Variants in PSD3 observed in about 807,000 individuals in gnomAD.
The protein encoded by PSD3 is PH and SEC7 domain-containing protein 3.
In PSD3, 49 loss-of-function variants were observed where a neutral mutation model predicts 105.5. That is an observed-to-expected ratio of 0.46 (90% CI 0.37 to 0.59). The LOEUF (loss-of-function observed/expected upper bound fraction) is 0.59, where lower values mean the gene tolerates loss of function less well. PSD3 is among the 20% of genes least tolerant of loss of function. PSD3 has a pLI of 0.00. For missense variants in PSD3, 1,561 were observed against 1,263.8 expected (o/e 1.24, Z -3.57); for synonymous variants, 557 against 457.8 (o/e 1.22, Z -2.77).
chr8:18,822,947 T>C (rs1812865094), intron 4 of PSD3, among the ~76,000 whole-genome samples: 1 of 152,296 alleles, frequency 6.6e-6, no homozygotes, highest in Non-Finnish European at 1.5e-5. Flanking sequence ...CCAGCACATG[T>C]GCTCACTCCA....
intron 9 of PSD3, among the ~76,000 whole-genome samples, chr8:18,666,430 T>G (rs531714843): frequency 6.6e-6 from 1 of 152,354 alleles, no homozygotes; most frequent in South Asian, 2.1e-4. Context: ...GTTTTATTGC[T>G]GTGGTCTAGA....
intron 1 of PSD3, among the ~76,000 whole-genome samples, chr8:19,054,337 C>T (rs971969966): frequency 3.9e-5 from 6 of 152,136 alleles, no homozygotes; most frequent in South Asian, 2.1e-4. Context: ...GTGAGAGTAT[C>T]CCGTGTTACC....
intron 2 of PSD3, among the ~76,000 whole-genome samples, chr8:18,899,998 CT>C (rs202016073): frequency 0.047 from 7,132 of 152,086 alleles, 204 homozygotes; most frequent in South Asian, 0.081. Context: ...AAAGGGGGCA[CT>C]TTTTTTCTAC....
chr8:19,032,303 C>A (rs1266751079), intron 1 of PSD3, among the ~76,000 whole-genome samples: 2 of 152,234 alleles, frequency 1.3e-5, no homozygotes, highest in Non-Finnish European at 1.5e-5. Context: ...GTTTATCTGC[C>A]TATCACTCGT....
At chr8:18,887,220 G>A (rs1818502867) in intron 2 of PSD3, among the ~76,000 whole-genome samples, 1 of 152,172 alleles carries the variant, frequency 6.6e-6, no homozygotes, top group African/African-American at 2.4e-5. Flanking sequence ...ACGGACAAGG[G>A]AAATGCAAAC....
At chr8:18,865,286 A>ATTTTTTTTTTT (rs375872604) in intron 4 of PSD3, 1 of 14,132 alleles carries the variant, frequency 7.1e-5, no homozygotes. Flanking sequence ...ATATATATAT[A>ATTTTTTTTTTT]TTTTTTTTTT....
At chr8:18,737,121 A>G (rs1804205129) in intron 9 of PSD3, among the ~76,000 whole-genome samples, 1 of 152,184 alleles carries the variant, frequency 6.6e-6, no homozygotes, top group African/African-American at 2.4e-5. Context: ...AGATCAATTA[A>G]AATCAGAACT....
intron 4 of PSD3, among the ~76,000 whole-genome samples, chr8:18,828,064 TATA>T (rs1324983859): frequency 3.2e-4 from 34 of 105,758 alleles, no homozygotes; most frequent in Middle Eastern, 5.3e-3. Context: ...TATATATATA[TATA>T]TTTTTTTTTT....
At chr8:18,883,118 G>C (rs1480403530) in intron 2 of PSD3, among the ~76,000 whole-genome samples, 1 of 152,126 alleles carries the variant, frequency 6.6e-6, no homozygotes, top group East Asian at 1.9e-4. Context: ...TCAGAATCCT[G>C]TTGGTTTCTA....
At chr8:18,871,512 A>G in intron 3 of PSD3, 114 bp downstream of exon 3, 1 of 1,355,152 alleles carries the variant, frequency 7.4e-7, no homozygotes, top group Non-Finnish European at 1.0e-6. Flanking sequence ...CTTATATTCC[A>G]TGATAACAAG....
chr8:18,728,286 ACT>A (rs1211796163), intron 9 of PSD3, among the ~76,000 whole-genome samples: 4 of 152,068 alleles, frequency 2.6e-5, no homozygotes, highest in Non-Finnish European at 5.9e-5. Context: ...TATCCACCAA[ACT>A]CTGCACAGCA....
chr8:18,882,603 A>C (rs1428960193), intron 2 of PSD3, among the ~76,000 whole-genome samples: 1 of 152,170 alleles, frequency 6.6e-6, no homozygotes, highest in Non-Finnish European at 1.5e-5. Flanking sequence ...GCATGATCCT[A>C]CATGAGCTGA....
chr8:18,678,566 C>T (rs979822328), intron 9 of PSD3, among the ~76,000 whole-genome samples: 1 of 152,208 alleles, frequency 6.6e-6, no homozygotes, highest in East Asian at 1.9e-4. Flanking sequence ...AATCCCAACG[C>T]TTTGGGAGGC....
intron 1 of PSD3, among the ~76,000 whole-genome samples, chr8:18,978,793 G>T (rs987848233): frequency 3.9e-5 from 6 of 152,084 alleles, no homozygotes; most frequent in African/African-American, 1.4e-4. Flanking sequence ...CATCTTCTCT[G>T]TCTCTCAATC....
chr8:18,752,784 T>G (rs2129439340), intron 9 of PSD3, among the ~76,000 whole-genome samples: 1 of 147,038 alleles, frequency 6.8e-6, no homozygotes, highest in South Asian at 2.1e-4. Flanking sequence ...GATACGATTT[T>G]GAGTATACAT....
Position 18,801,329 on chromosome 8 carries a change from ACT to A in PSD3, c.1962_1963del (p.Arg654SerfsTer8). ...ATATCTATTGGAGAAGTGTATTAAA[ACT>A]CTCTCTCGTTCTTGAGTTTCTCCCA... On this transcript the variant is annotated frameshift_variant, in exon 7 of 16. Coordinates refer to ENST00000327040, the MANE Select transcript of PSD3 (RefSeq NM_015310.4). LOFTEE classifies it high-confidence loss of function. The A allele has an allele frequency of 1.9e-6, 3 of 1,608,428 alleles. No individual in the cohort carries two copies. The highest frequency in any genetic ancestry group is 2.6e-6 in the Non-Finnish European group (3 of 1,176,170).
chr8:18,824,649 C>G (rs944391775), intron 4 of PSD3, among the ~76,000 whole-genome samples: 2 of 152,178 alleles, frequency 1.3e-5, no homozygotes, highest in African/African-American at 4.8e-5. Context: ...CCATCTATCA[C>G]TGGCTAAGGC....
At chr8:18,605,846 C>T (rs1408869171) in intron 11 of PSD3, among the ~76,000 whole-genome samples, 20 of 152,126 alleles carry the variant, frequency 1.3e-4, no homozygotes, top group Admixed American at 1.2e-3. Flanking sequence ...TCTCTTTCTC[C>T]TGTGGCCATG....
In PSD3 at chr8:18,882,530, G is replaced by A. The variant is rs575141808; in HGVS notation, c.131-9797C>T. On this transcript the variant is annotated intron_variant, in intron 2 of 15. Coordinates refer to ENST00000327040, the MANE Select transcript of PSD3 (RefSeq NM_015310.4). ...CTCCATCTATATATACTGTCTGCTC[G>A]CAAACAAAGTTCAGGCAGTGGTAAA... 5.3e-5 allele frequency among the ~76,000 whole-genome samples: 8 copies of A among 152,146 alleles called. No individual in the cohort carries two copies. In the South Asian group the frequency reaches 1.2e-3, roughly 24 times the overall value.
Sources: gnomAD v4.1 joint callset for allele counts (sites outside exome capture counted in the v4.1 genomes callset) on GRCh38, gnomAD v4.1.1 for gene constraint, MANE v1.5 for transcripts, NCBI Gene and HGNC (gene_info 2026-07-23, HGNC 2026-07-21) for gene names.